The following CNTN4 variants were observed in gnomAD, a reference collection of about 807,000 sequenced individuals.
CNTN4 encodes the protein contactin-4.
CNTN4 carries 77 observed loss-of-function variants against 122.5 expected under a neutral mutation model. That is an observed-to-expected ratio of 0.63 (90% CI 0.52 to 0.76). The LOEUF is 0.76. CNTN4 is among the 30% of genes least tolerant of loss of function. The probability of loss-of-function intolerance (pLI) is 0.00; values close to 1 mark genes in which losing one functional copy is unlikely to be tolerated. For missense variants in CNTN4, 1,256 were observed against 1,259.1 expected, an observed-to-expected ratio of 1.00 and a Z score of 0.04; for synonymous variants, 512 against 447.0, an observed-to-expected ratio of 1.15 and a Z score of -1.83.
chr3:2,410,171 G>A (rs2047179520), intron 3 of CNTN4, among the ~76,000 whole-genome samples: 1 of 152,154 alleles, frequency 6.6e-6, no homozygotes, highest in South Asian at 2.1e-4. Flanking sequence ...TCTTGATAAA[G>A]TGTTATCTTG....
chr3:2,375,111 T>G (rs775525677), intron 3 of CNTN4, among the ~76,000 whole-genome samples: 3 of 152,240 alleles, frequency 2.0e-5, no homozygotes, highest in Non-Finnish European at 4.4e-5. Context: ...GATTGCATAT[T>G]AACTTTGAAA....
At chr3:3,025,482 A>G (rs1272584467) in intron 14 of CNTN4, among the ~76,000 whole-genome samples, 9 of 152,178 alleles carry the variant, frequency 5.9e-5, no homozygotes, top group African/African-American at 2.2e-4. Flanking sequence ...GAAAAAGGAA[A>G]ATCGTATTTG....
intron 6 of CNTN4, among the ~76,000 whole-genome samples, chr3:2,816,206 T>G (rs1037266944): frequency 4.1e-5 from 6 of 146,898 alleles, no homozygotes; most frequent in African/African-American, 1.6e-4. Flanking sequence ...TACAAAAAAT[T>G]AGCCGGGCGT....
At chr3:2,754,458 C>CA (rs2090237060) in intron 6 of CNTN4, among the ~76,000 whole-genome samples, 2 of 152,018 alleles carry the variant, frequency 1.3e-5, no homozygotes, top group South Asian at 4.1e-4. Context: ...TGGTATTATT[C>CA]TGGAGGAAGC....
chr3:2,965,252 A>G (rs1692186833), intron 13 of CNTN4, among the ~76,000 whole-genome samples: 1 of 152,148 alleles, frequency 6.6e-6, no homozygotes, highest in Non-Finnish European at 1.5e-5. Context: ...TATCCAATCA[A>G]TAATTAATTC....
chr3:2,524,465 G>A (rs879452123), intron 3 of CNTN4, among the ~76,000 whole-genome samples: 9 of 152,032 alleles, frequency 5.9e-5, no homozygotes, highest in Non-Finnish European at 1.3e-4. Flanking sequence ...TCGTTTTTGT[G>A]TGGACATACA....
chr3:2,988,815 C>A, intron 14 of CNTN4: 1 of 286,668 alleles, frequency 3.5e-6, no homozygotes, highest in Non-Finnish European at 6.8e-6. Flanking sequence ...ACTATTCCAA[C>A]AAATTAAAAA....
chr3:2,254,219 T>G (rs2040489287), intron 2 of CNTN4, among the ~76,000 whole-genome samples: 2 of 152,154 alleles, frequency 1.3e-5, no homozygotes, highest in African/African-American at 4.8e-5. Context: ...GGACATGAAC[T>G]CATCCTTTTT....
chr3:2,714,868 C>G (rs1300367180), intron 4 of CNTN4, among the ~76,000 whole-genome samples: 1 of 152,124 alleles, frequency 6.6e-6, no homozygotes, highest in Non-Finnish European at 1.5e-5. Context: ...CCCCAAAGCT[C>G]TGGGGTTACA....
intron 3 of CNTN4, among the ~76,000 whole-genome samples, chr3:2,416,676 C>T (rs745518894): frequency 4.0e-5 from 6 of 150,552 alleles, no homozygotes; most frequent in Non-Finnish European, 8.9e-5. Context: ...TTTTTTAGGA[C>T]GGAGTCTCTG....
At chr3:2,925,479 G>A in intron 12 of CNTN4, 150 bp from the exon 13 acceptor site, 2 of 711,594 alleles carry the variant, frequency 2.8e-6, no homozygotes, top group Non-Finnish European at 4.6e-6. Flanking sequence ...CTTGAACCCG[G>A]GAGGCGGAGG....
At chr3:2,773,762 C>T (rs867395902) in intron 6 of CNTN4, among the ~76,000 whole-genome samples, 17 of 107,510 alleles carry the variant, frequency 1.6e-4, no homozygotes, top group Admixed American at 4.7e-4. Context: ...ATGTAGTAGA[C>T]TTTTTTTTTT....
At chr3:2,361,980 T>C (rs1301204156) in intron 3 of CNTN4, among the ~76,000 whole-genome samples, 3 of 152,128 alleles carry the variant, frequency 2.0e-5, no homozygotes, top group East Asian at 3.9e-4. Context: ...AAGACCTGAG[T>C]TGGAGGGGTC....
At chr3:2,166,101 A>G (rs1018809875) in intron 2 of CNTN4, among the ~76,000 whole-genome samples, 6 of 151,998 alleles carry the variant, frequency 3.9e-5, no homozygotes, top group African/African-American at 9.7e-5. Context: ...TGACTGTTCT[A>G]TTTTTAACTT....
At position 3,040,096 on chromosome 3, in the gene CNTN4, C is replaced by T. The variant is rs1340317740; in HGVS notation, c.2223C>T (p.Pro741=). Residue 741 remains proline, a synonymous_variant, in exon 20 of 25, where the codon CCC becomes CCT. Transcript: ENST00000418658. ...RGFGYVVAFR[P]YGKMIWMLTV... The stretch of plus-strand genomic sequence containing the variant: ...TTGGTTATGTGGTGGCCTTCCGGCC[C>T]TACGGTAAAATGATCTGGATGCTGA... 6.2e-7 allele frequency: 1 copy of T among 1,614,090 alleles called. No individual in the cohort carries two copies. The highest frequency in any genetic ancestry group is 1.3e-5 in the African/African-American group (1 of 74,946).
chr3:2,159,842 C>T (rs1223499918), intron 2 of CNTN4, among the ~76,000 whole-genome samples: 10 of 147,676 alleles, frequency 6.8e-5, no homozygotes, highest in Non-Finnish European at 4.5e-5. Context: ...TTTTTTTTAA[C>T]ATTTAGTTTA....
intron 4 of CNTN4, among the ~76,000 whole-genome samples, chr3:2,676,413 G>T (rs1263345585): frequency 6.6e-6 from 1 of 152,140 alleles, no homozygotes; most frequent in Non-Finnish European, 1.5e-5. Context: ...ATAGAGACAG[G>T]GTTTCTGTAT....
chr3:2,172,698 T>C (rs2036569840), intron 2 of CNTN4, among the ~76,000 whole-genome samples: 1 of 152,146 alleles, frequency 6.6e-6, no homozygotes, highest in Admixed American at 6.6e-5. Flanking sequence ...GTGGTTGATG[T>C]CCATCAGGAC....
At chr3:2,684,564 G>A (rs544567727) in intron 4 of CNTN4, among the ~76,000 whole-genome samples, 42 of 152,124 alleles carry the variant, frequency 2.8e-4, no homozygotes, top group Admixed American at 7.9e-4. Context: ...TAAAGATCTC[G>A]GCATAAATCC....
Sources: gnomAD v4.1 joint callset for allele counts (sites outside exome capture counted in the v4.1 genomes callset) on GRCh38, gnomAD v4.1.1 for gene constraint, MANE v1.5 for transcripts, NCBI Gene and HGNC (gene_info 2026-07-23, HGNC 2026-07-21) for gene names.